The following SPAG16 variants were observed in gnomAD, a reference collection of about 807,000 sequenced individuals.
SPAG16 encodes sperm associated antigen 16.
SPAG16 carries 86 observed loss-of-function variants against 80.4 expected under a neutral mutation model. The ratio of observed to expected loss-of-function variants is 1.07; its 90% CI spans 0.90 to 1.28. The LOEUF (loss-of-function observed/expected upper bound fraction) is 1.28, where lower values mean the gene tolerates loss of function less well. SPAG16 is among the 50% of genes most tolerant of loss of function. The pLI, the probability that SPAG16 is intolerant of heterozygous loss-of-function variation, is 0.00. For synonymous variants in SPAG16, 294 were observed against 265.9 expected, an observed-to-expected ratio of 1.11 and a Z score of -1.03; for missense variants, 870 against 765.3, an observed-to-expected ratio of 1.14 and a Z score of -1.61.
At chr2:213,977,259 C>G (rs1478983838) in intron 12 of SPAG16, among the ~76,000 whole-genome samples, 1 of 151,950 alleles carries the variant, frequency 6.6e-6, no homozygotes, top group Non-Finnish European at 1.5e-5. Flanking sequence ...CCCAGGATTC[C>G]CCAAAATCTC....
intron 15 of SPAG16, among the ~76,000 whole-genome samples, chr2:214,355,377 C>T (rs1046456918): frequency 2.8e-5 from 4 of 141,624 alleles, no homozygotes; most frequent in African/African-American, 7.5e-5. Context: ...TGAACAGACA[C>T]TTCTCAAAAG....
At chr2:213,719,518 A>T (rs576419346) in intron 10 of SPAG16, among the ~76,000 whole-genome samples, 1 of 152,314 alleles carries the variant, frequency 6.6e-6, no homozygotes, top group African/African-American at 2.4e-5. Context: ...CCCTGACAAA[A>T]CAGGCCACTT....
At chr2:214,221,847 G>A (rs2058579124) in intron 15 of SPAG16, among the ~76,000 whole-genome samples, 1 of 152,002 alleles carries the variant, frequency 6.6e-6, no homozygotes, top group Non-Finnish European at 1.5e-5. Flanking sequence ...TGGTTTTGAT[G>A]AGTGTAGTAG....
At chr2:213,471,378 C>T (rs968194318) in intron 9 of SPAG16, among the ~76,000 whole-genome samples, 1 of 152,114 alleles carries the variant, frequency 6.6e-6, no homozygotes, top group Admixed American at 6.5e-5. Context: ...GCTGTGCGTG[C>T]CCCACTTTAT....
chr2:214,225,213 C>T (rs1202948495), intron 15 of SPAG16, among the ~76,000 whole-genome samples: 5 of 152,124 alleles, frequency 3.3e-5, no homozygotes, highest in Admixed American at 6.6e-5. Flanking sequence ...TGTAGAGATG[C>T]GTGGAGCAAG....
intron 15 of SPAG16, among the ~76,000 whole-genome samples, chr2:214,331,693 A>C (rs1696928965): frequency 6.6e-6 from 1 of 152,188 alleles, no homozygotes; most frequent in Admixed American, 6.5e-5. Context: ...GGCCTCCTCA[A>C]AAGGCCATCC....
chr2:213,950,276 T>G (rs1246050593), intron 12 of SPAG16, among the ~76,000 whole-genome samples: 2 of 152,220 alleles, frequency 1.3e-5, no homozygotes, highest in Non-Finnish European at 2.9e-5. Flanking sequence ...TATTTTTCTT[T>G]ATTCTTCTAA....
chr2:213,918,741 A>G (rs1246950469), intron 11 of SPAG16, among the ~76,000 whole-genome samples: 1 of 152,138 alleles, frequency 6.6e-6, no homozygotes, highest in Non-Finnish European at 1.5e-5. Context: ...AGTCTCAAGT[A>G]TGTCTTTATC....
At chr2:213,317,405 TAA>T in intron 5 of SPAG16, 49 bp downstream of exon 5, 1 of 1,563,592 alleles carries the variant, frequency 6.4e-7, no homozygotes, top group Non-Finnish European at 8.6e-7. Context: ...TTGGACTAAA[TAA>T]AAGAGTTGAG....
At chr2:213,544,444 G>A (rs924544079) in intron 10 of SPAG16, among the ~76,000 whole-genome samples, 43 of 151,896 alleles carry the variant, frequency 2.8e-4, no homozygotes, top group African/African-American at 9.4e-4. Context: ...ACCCCCACAC[G>A]TACATAGCCT....
intron 14 of SPAG16, among the ~76,000 whole-genome samples, chr2:214,114,805 G>C (rs182582533): frequency 6.6e-6 from 1 of 152,108 alleles, no homozygotes; most frequent in Non-Finnish European, 1.5e-5. Context: ...GCCCTCTGTG[G>C]GCTGCACCCA....
intron 11 of SPAG16, among the ~76,000 whole-genome samples, chr2:213,864,133 T>G (rs547106516): frequency 4.1e-4 from 62 of 152,160 alleles, no homozygotes; most frequent in Non-Finnish European, 5.3e-4. Context: ...GTGAAACACA[T>G]TCTGAAAGAG....
intron 10 of SPAG16, among the ~76,000 whole-genome samples, chr2:213,596,288 C>T (rs2060883663): frequency 6.6e-6 from 1 of 151,954 alleles, no homozygotes; most frequent in South Asian, 2.1e-4. Context: ...ATGTAATATC[C>T]TTGTCTTTCT....
At position 214,090,913 on chromosome 2, in the gene SPAG16, AC is replaced by A. The variant is rs139985135; in HGVS notation, c.1528-17282del. 3.6e-3 allele frequency among the ~76,000 whole-genome samples: 555 copies of A among 152,196 alleles called. 9 individuals are homozygous for A. Among genetic ancestry groups the A allele is most frequent in the Admixed American group, 0.024 (362 of 15,248 alleles). ...AAATATCTGTTGATGAGATTAATAA[AC>A]AAAAAATGAGAACAAATAAATGAAC... On this transcript the variant is annotated intron_variant, in intron 13 of 15. Coordinates refer to ENST00000331683, the MANE Select transcript of SPAG16 (RefSeq NM_024532.5).
In SPAG16 at chr2:214,335,505, C is replaced by T. The variant is rs543525674; in HGVS notation, c.1721-74635C>T. ...ATATAGATATATATATAATTTCAAC[C>T]TTTCCACATTTAAGTAAAAACTGTA... On this transcript the variant is annotated intron_variant, in intron 15 of 15. Coordinates refer to ENST00000331683, the MANE Select transcript of SPAG16 (RefSeq NM_024532.5). Among the ~76,000 whole-genome samples, 3 of 151,146 alleles carry T rather than the reference C, an allele frequency of 2.0e-5. No homozygotes were observed. In the South Asian group the frequency reaches 6.3e-4, roughly 32 times the overall value.
At chr2:213,649,389 C>T (rs1008717408) in intron 10 of SPAG16, among the ~76,000 whole-genome samples, 2 of 152,200 alleles carry the variant, frequency 1.3e-5, no homozygotes, top group Non-Finnish European at 2.9e-5. Context: ...GATGACTGTT[C>T]TACTCACGCT....
intron 9 of SPAG16, among the ~76,000 whole-genome samples, chr2:213,468,513 A>G (rs1297173492): frequency 7.7e-6 from 1 of 129,614 alleles, no homozygotes; most frequent in Admixed American, 7.6e-5. Context: ...AGATATATAT[A>G]TATCTATGTA....
At chr2:213,668,671 G>A (rs143642366) in intron 10 of SPAG16, among the ~76,000 whole-genome samples, 1 of 152,090 alleles carries the variant, frequency 6.6e-6, no homozygotes, top group East Asian at 1.9e-4. Context: ...ATGGAGTCTT[G>A]CTCTGTCACC....
At chr2:213,593,725 A>ACCCCATCAT (rs1333609276) in intron 10 of SPAG16, among the ~76,000 whole-genome samples, 1 of 113,622 alleles carries the variant, frequency 8.8e-6, no homozygotes, top group Non-Finnish European at 1.7e-5. Flanking sequence ...GATTTCTCAT[A>ACCCCATCAT]CCCCATCATC....
Sources: gnomAD v4.1 joint callset for allele counts (sites outside exome capture counted in the v4.1 genomes callset) on GRCh38, gnomAD v4.1.1 for gene constraint, MANE v1.5 for transcripts, NCBI Gene and HGNC (gene_info 2026-07-23, HGNC 2026-07-21) for gene names.